Variants in CSMD1 observed in about 807,000 individuals in gnomAD.
The protein encoded by CSMD1 is CUB and sushi domain-containing protein 1.
A neutral mutation model predicts 417.5 loss-of-function variants in CSMD1; 213 were observed. The ratio of observed to expected loss-of-function variants is 0.51; its 90% CI spans 0.46 to 0.57. CSMD1 has a LOEUF of 0.57. Ranked by LOEUF, CSMD1 falls within the 20% of genes least tolerant of loss-of-function variation. CSMD1 has a pLI of 0.00. For missense variants in CSMD1, 6,923 were observed against 4,529.7 expected (o/e 1.53, Z -15.17); for synonymous variants, 2,862 against 1,736.8 (o/e 1.65, Z -16.11).
chr8:4,577,054 C>G, intron 2 of CSMD1, among the ~76,000 whole-genome samples: 1 of 152,188 alleles, frequency 6.6e-6, no homozygotes, highest in Non-Finnish European at 1.5e-5. Flanking sequence ...GCTTTGATTA[C>G]GAACAGGCCA....
chr8:4,962,706 A>T (rs981012454), intron 1 of CSMD1, among the ~76,000 whole-genome samples: 3 of 152,292 alleles, frequency 2.0e-5, no homozygotes, highest in Non-Finnish European at 2.9e-5. Context: ...GATGTGCAAG[A>T]TTGATGGATG....
At chr8:3,813,148 T>C (rs566632851) in intron 5 of CSMD1, among the ~76,000 whole-genome samples, 6 of 151,574 alleles carry the variant, frequency 4.0e-5, no homozygotes, top group African/African-American at 1.5e-4. Context: ...CCCACTGGCA[T>C]TGTAACACAA....
At chr8:4,894,996 C>T (rs996308544) in intron 1 of CSMD1, among the ~76,000 whole-genome samples, 4 of 152,116 alleles carry the variant, frequency 2.6e-5, no homozygotes, top group South Asian at 4.1e-4. Flanking sequence ...CTACTGCCTT[C>T]GGCAAGTAAC....
chr8:4,431,971 A>G (rs1174919438), intron 2 of CSMD1, among the ~76,000 whole-genome samples: 1 of 152,220 alleles, frequency 6.6e-6, no homozygotes, highest in East Asian at 1.9e-4. Context: ...CCACGGCAGT[A>G]ACTTACATTT....
rs1474827553 is a variant in CSMD1 at position 3,409,536 on chromosome 8, A to T, written c.1631T>A (p.Leu544His). The part of the protein sequence containing the change: ...AYGKRTGSSF[L>H]HGDTLTFECP... ...TTCAAAGGTGAGTGTATCTCCATGGAGGAAACTGCTGCCCGTCCGCTTCCC... is the reference window on the plus strand; with the variant it reads ...TTCAAAGGTGAGTGTATCTCCATGGTGGAAACTGCTGCCCGTCCGCTTCCC... Residue 544 changes from leucine (L) to histidine (H), a missense_variant, in exon 13 of 70, where the codon CTC (leucine) becomes CAC (histidine). Leu to His is a moderately conservative substitution (Grantham distance 99, BLOSUM62 -3). Transcript: ENST00000635120. The T allele has an allele frequency of 6.2e-7, 1 of 1,611,482 alleles. No individual in the cohort carries two copies. The highest frequency in any genetic ancestry group is 8.5e-7 in the Non-Finnish European group (1 of 1,178,890).
At chr8:3,401,923 C>T (rs1451562314) in intron 15 of CSMD1, among the ~76,000 whole-genome samples, 1 of 150,934 alleles carries the variant, frequency 6.6e-6, no homozygotes, top group Non-Finnish European at 1.5e-5. Context: ...TACCAATGAG[C>T]CAATGAGGTG....
chr8:4,445,988 C>T (rs575725450), intron 2 of CSMD1, among the ~76,000 whole-genome samples: 2 of 152,236 alleles, frequency 1.3e-5, no homozygotes, highest in African/African-American at 4.8e-5. Context: ...AATGTCAGTG[C>T]CTCTTCCCTG....
intron 3 of CSMD1, among the ~76,000 whole-genome samples, chr8:4,171,670 G>A (rs1797771706): frequency 6.7e-6 from 1 of 148,952 alleles, no homozygotes; most frequent in Non-Finnish European, 1.5e-5. Flanking sequence ...CAGATAAACT[G>A]GTAGAATATT....
intron 10 of CSMD1, among the ~76,000 whole-genome samples, chr8:3,562,072 A>G (rs1266323304): frequency 6.6e-6 from 1 of 152,188 alleles, no homozygotes; most frequent in Non-Finnish European, 1.5e-5. Flanking sequence ...GGTTTAGAGT[A>G]AAAATTCGGT....
chr8:3,287,409 C>T (rs1803241191), intron 25 of CSMD1, among the ~76,000 whole-genome samples: 1 of 152,234 alleles, frequency 6.6e-6, no homozygotes, highest in South Asian at 2.1e-4. Flanking sequence ...GCCATTTTCA[C>T]AATATTGATT....
At chr8:3,661,542 G>A (rs1003017010) in intron 7 of CSMD1, among the ~76,000 whole-genome samples, 7 of 151,570 alleles carry the variant, frequency 4.6e-5, no homozygotes, top group South Asian at 2.1e-4. Flanking sequence ...TATCACCCAG[G>A]CTGCAGTGCG....
At chr8:3,821,085 T>G (rs973592747) in intron 5 of CSMD1, among the ~76,000 whole-genome samples, 8 of 151,864 alleles carry the variant, frequency 5.3e-5, no homozygotes, top group Non-Finnish European at 1.2e-4. Flanking sequence ...CCTGGTTACT[T>G]TTTTGTATTT....
rs143733189 is a variant in CSMD1, at chr8:3,969,390, A to G, written c.818+28513T>C. Among the ~76,000 whole-genome samples, 89 of 152,174 alleles carry G rather than the reference A, an allele frequency of 5.8e-4. No individual in the cohort carries two copies. The East Asian group carries it at 0.011, about 18-fold the overall frequency. On this transcript the variant is annotated intron_variant, in intron 5 of 69. Transcript: ENST00000635120. ...TCAGAAGCTGAAAAACATTGCTCCA[A>G]TCTCTCACTTATACCTCCTCTTCCA...
chr8:3,560,357 T>G lies in CSMD1; in HGVS notation c.1344+14588A>C, dbSNP rs144234904. On this transcript the variant is annotated intron_variant, in intron 10 of 69. Transcript: ENST00000635120. ...GTACCTATCATTATCATCACCACAGTTATATGGCATATGAGGACATTGAGA... is the reference window on the plus strand; with the variant it reads ...GTACCTATCATTATCATCACCACAGGTATATGGCATATGAGGACATTGAGA... Among the ~76,000 whole-genome samples, 187 of 152,256 alleles carry G rather than the reference T, an allele frequency of 1.2e-3. 1 individual carries two copies. The highest frequency in any genetic ancestry group is 4.4e-3 in the African/African-American group (182 of 41,558).
At chr8:3,687,872 G>A (rs1253225071) in intron 7 of CSMD1, among the ~76,000 whole-genome samples, 1 of 152,220 alleles carries the variant, frequency 6.6e-6, no homozygotes. Context: ...GAGGACCAGA[G>A]TCCGTACTGA....
intron 49 of CSMD1, among the ~76,000 whole-genome samples, chr8:3,059,853 T>C (rs561493195): frequency 2.0e-5 from 3 of 152,168 alleles, no homozygotes; most frequent in East Asian, 2.0e-4. Context: ...AGCAGTTGGA[T>C]AGACTGAGAT....
At chr8:4,070,827 G>C (rs1431048642) in intron 3 of CSMD1, among the ~76,000 whole-genome samples, 2 of 152,146 alleles carry the variant, frequency 1.3e-5, no homozygotes, top group African/African-American at 4.8e-5. Flanking sequence ...CCTCATTCTT[G>C]AAGGTTGTTT....
chr8:4,269,102 G>A (rs936047783), intron 3 of CSMD1, among the ~76,000 whole-genome samples: 2 of 152,168 alleles, frequency 1.3e-5, no homozygotes, highest in African/African-American at 4.8e-5. Flanking sequence ...TGTCGCCCAG[G>A]CTGGAGTGCA....
chr8:3,360,941 A>G (rs1040247334), intron 20 of CSMD1, among the ~76,000 whole-genome samples: 3 of 151,868 alleles, frequency 2.0e-5, no homozygotes, highest in African/African-American at 7.3e-5. Flanking sequence ...ACTTTTATGG[A>G]ACTCTGTACC....
Sources: allele counts gnomAD v4.1 joint callset (sites outside exome capture counted in the v4.1 genomes callset), GRCh38; gene constraint gnomAD v4.1.1; transcripts MANE v1.5; gene names NCBI Gene and HGNC (gene_info 2026-07-23, HGNC 2026-07-21).